Variants in COL6A6 observed in about 807,000 individuals in gnomAD.
COL6A6 encodes collagen alpha-6(VI) chain.
In COL6A6, 183 loss-of-function variants were observed where a neutral mutation model predicts 208.6. The ratio of observed to expected loss-of-function variants is 0.88; its 90% confidence interval spans 0.78 to 0.99. The LOEUF (loss-of-function observed/expected upper bound fraction) is 0.99. Ranked by LOEUF, COL6A6 falls within the 50% of genes least tolerant of loss-of-function variation. COL6A6 has a pLI of 0.00. For synonymous variants in COL6A6, 973 were observed against 1,011.8 expected (o/e 0.96, Z 0.73); for missense variants, 2,816 against 2,815.2 (o/e 1.00, Z -0.01).
chr3:130,642,887 AAC>A lies in COL6A6; in HGVS notation c.5190+22_5190+23del, dbSNP rs771026318. 1.2e-6 allele frequency: 2 copies of A among 1,613,640 alleles called. No homozygotes were observed. Among genetic ancestry groups the A allele is most frequent in the African/African-American group, 2.7e-5 (2 of 74,916 alleles). On this transcript the variant is annotated intron_variant, in intron 30 of 36. Coordinates refer to ENST00000358511, the MANE Select transcript of COL6A6 (RefSeq NM_001102608.3). The stretch of plus-strand genomic sequence containing the variant: ...TTTTCTGTACGTATCTCCCGACTAC[AAC>A]AGAGTGCTCTGAGTGCTCCATTCAA...
intron 36 of COL6A6, among the ~76,000 whole-genome samples, chr3:130,669,135 C>T (rs1195164070): frequency 6.6e-6 from 1 of 152,208 alleles, no homozygotes. Context: ...TGGCTCACGC[C>T]TCTAATCCCA....
chr3:130,597,529 A>G (rs1480384762), intron 18 of COL6A6, among the ~76,000 whole-genome samples: 11 of 152,202 alleles, frequency 7.2e-5, no homozygotes, highest in Admixed American at 2.0e-4. Context: ...CAGCAGCCCC[A>G]TAGCTGGCAC....
rs778316628 is a variant in COL6A6, at chr3:130,563,352, A to G, written c.349A>G (p.Thr117Ala). The part of the protein sequence containing the change: ...IGKALQEAHR[T>A]YFSAPANGRD... The stretch of plus-strand genomic sequence containing the variant: ...AAAGGCTCTTCAGGAGGCTCACAGG[A>G]CTTATTTCTCTGCACCCGCAAATGG... Residue 117 changes from threonine to alanine, a missense_variant, in exon 3 of 37, where the codon ACT (threonine) becomes GCT (alanine). Thr to Ala is a moderately conservative substitution (Grantham distance 58, BLOSUM62 0). Transcript: ENST00000358511. The G allele has an allele frequency of 2.5e-6, 4 of 1,613,950 alleles. No homozygotes were observed. The South Asian group carries it at 4.4e-5, about 18-fold the overall frequency.
At chr3:130,572,180 T>A (rs1245662153) in intron 7 of COL6A6, among the ~76,000 whole-genome samples, 1 of 152,214 alleles carries the variant, frequency 6.6e-6, no homozygotes, top group Non-Finnish European at 1.5e-5. Context: ...GAAGGTCATT[T>A]AAAATGTGAA....
In COL6A6 at chr3:130,598,326, C is replaced by T. The variant is rs186030492; in HGVS notation, c.4534-39C>T. 56 of 1,351,446 alleles carry T rather than the reference C, an allele frequency of 4.1e-5. No individual in the cohort carries two copies. In the African/African-American group the frequency reaches 6.7e-4, roughly 16 times the overall value. The allele number at this position is 1,351,446 out of a possible 1,614,324, so 83.7% of individuals were successfully genotyped here. ...AAGTTATATGTTTAAGGAGAAATGT[C>T]CAAATATATTAATTTTTCTCTTTAT... On this transcript the variant is annotated intron_variant, in intron 18 of 36. Transcript: ENST00000358511.
In COL6A6 at chr3:130,563,454, T is replaced by C. The variant is rs201056076; in HGVS notation, c.451T>C (p.Ser151Pro). Residue 151 changes from serine to proline, a missense_variant, in exon 3 of 37, where the codon TCA becomes CCA. Ser to Pro is a moderately conservative substitution (Grantham distance 74). Transcript: ENST00000358511. The stretch of plus-strand genomic sequence containing the variant: ...GTCTGAGGATAATGTGGAAGAGGCA[T>C]CAAAGGCCCTGCGGAAAGACGGAGT... Reference protein sequence around the residue: ...SESEDNVEEASKALRKDGVKI... With the variant: ...SESEDNVEEAPKALRKDGVKI... 3.7e-4 allele frequency: 590 copies of C among 1,613,898 alleles called. 1 individual carries two copies. Among genetic ancestry groups the C allele is most frequent in the Non-Finnish European group, 4.6e-4 (542 of 1,179,896 alleles).
chr3:130,586,931 TG>T (rs1332762074), intron 11 of COL6A6, among the ~76,000 whole-genome samples: 1 of 152,186 alleles, frequency 6.6e-6, no homozygotes, highest in Non-Finnish European at 1.5e-5. Flanking sequence ...CCCACAATCA[TG>T]TCCAAATTAT....
intron 24 of COL6A6, among the ~76,000 whole-genome samples, chr3:130,623,254 T>A (rs144919450): frequency 1.3e-5 from 2 of 152,048 alleles, no homozygotes; most frequent in Admixed American, 6.5e-5. Flanking sequence ...GGTCGGGAGT[T>A]CCAGACCAGC....
chr3:130,553,021 C>T lies in COL6A6; in HGVS notation c.-31-7313C>T, dbSNP rs987379323. Among the ~76,000 whole-genome samples, 4 of 152,170 alleles carry T rather than the reference C, an allele frequency of 2.6e-5. No homozygotes were observed. The East Asian group carries it at 5.8e-4, about 22-fold the overall frequency. ...TTTCTGCTGAAACATCTGCTGTTAG[C>T]CTGGTGGGTTCCCTTTGTACATGAC... On this transcript the variant is annotated intron_variant, in intron 1 of 36. Transcript: ENST00000358511.
chr3:130,549,420 T>A (rs1005325344), intron 1 of COL6A6, among the ~76,000 whole-genome samples: 3 of 152,198 alleles, frequency 2.0e-5, no homozygotes, highest in Admixed American at 2.0e-4. Context: ...AATTTTTGGT[T>A]TTGTTGCAAT....
intron 33 of COL6A6, among the ~76,000 whole-genome samples, chr3:130,657,953 CAT>C (rs1399142734): frequency 3.3e-5 from 5 of 152,176 alleles, no homozygotes; most frequent in Admixed American, 3.3e-4. Context: ...TAGTGAAGCT[CAT>C]AATTCTTGTT....
intron 25 of COL6A6, 21 bp from the exon 26 acceptor site, chr3:130,627,297 TA>T: frequency 6.2e-7 from 1 of 1,609,354 alleles, no homozygotes; most frequent in Non-Finnish European, 8.5e-7. Flanking sequence ...GGGATGTTGG[TA>T]ATCAATTGCT....
At chr3:130,637,737 T>TC (rs764382395) in intron 28 of COL6A6, among the ~76,000 whole-genome samples, 14 of 152,332 alleles carry the variant, frequency 9.2e-5, no homozygotes, top group Admixed American at 3.9e-4. Context: ...GATTTTTTTT[T>TC]CCTCAAAAAA....
At chr3:130,586,785 T>G in intron 11 of COL6A6, 125 bp downstream of exon 11, 1 of 846,330 alleles carries the variant, frequency 1.2e-6, no homozygotes, top group African/African-American at 1.7e-5. Context: ...TTTTTATGAA[T>G]TAGTGAACAG....
intron 36 of COL6A6, among the ~76,000 whole-genome samples, chr3:130,667,276 G>A (rs746243536): frequency 1.9e-4 from 29 of 152,094 alleles, no homozygotes; most frequent in Admixed American, 9.2e-4. Context: ...TCACTCTGTC[G>A]CCCAGGCTGG....
chr3:130,672,686 G>C (rs184404666), intron 36 of COL6A6, among the ~76,000 whole-genome samples: 1 of 151,694 alleles, frequency 6.6e-6, no homozygotes, highest in African/African-American at 2.4e-5. Flanking sequence ...TTACAGGCGT[G>C]AGCCACCGCG....
chr3:130,671,830 G>C (rs2066225322), intron 36 of COL6A6, among the ~76,000 whole-genome samples: 1 of 152,076 alleles, frequency 6.6e-6, no homozygotes, highest in Admixed American at 6.6e-5. Flanking sequence ...GAGGATGAGA[G>C]AGCAGGGCAC....
At chr3:130,527,815 A>G (rs553226913) in intron 1 of COL6A6, among the ~76,000 whole-genome samples, 9 of 151,014 alleles carry the variant, frequency 6.0e-5, no homozygotes, top group Non-Finnish European at 1.3e-4. Flanking sequence ...GGGACCTTCT[A>G]GGCTGCATCC....
intron 36 of COL6A6, among the ~76,000 whole-genome samples, chr3:130,666,693 A>C (rs2066082621): frequency 6.6e-6 from 1 of 152,246 alleles, no homozygotes; most frequent in Non-Finnish European, 1.5e-5. Context: ...AGAGATGATC[A>C]AGAATTTTAG....
Sources: allele counts gnomAD v4.1 joint callset (sites outside exome capture counted in the v4.1 genomes callset), GRCh38; gene constraint gnomAD v4.1.1; transcripts MANE v1.5; gene names NCBI Gene and HGNC (gene_info 2026-07-23, HGNC 2026-07-21).